Variants in VPS13B observed in about 807,000 individuals in gnomAD.
VPS13B encodes vacuolar protein sorting 13 homolog B.
A neutral mutation model predicts 426.4 loss-of-function variants in VPS13B; 285 were observed. The ratio of observed to expected loss-of-function variants is 0.67; its 90% confidence interval spans 0.61 to 0.74. The LOEUF (loss-of-function observed/expected upper bound fraction) is 0.74. Among genes scored for constraint, VPS13B ranks in the 30% least tolerant of loss-of-function variants. VPS13B has a pLI of 0.00. For missense variants in VPS13B, 4,537 were observed against 4,782.6 expected (o/e 0.95, Z 1.51); for synonymous variants, 1,676 against 1,676.4 (o/e 1.00, Z 0.01).
chr8:99,292,260 G>C (rs901433648), intron 19 of VPS13B, among the ~76,000 whole-genome samples: 1 of 152,116 alleles, frequency 6.6e-6, no homozygotes, highest in East Asian at 1.9e-4. Context: ...CACAACTGTT[G>C]ATGCATTTAG....
intron 43 of VPS13B, among the ~76,000 whole-genome samples, chr8:99,805,611 A>T (rs995241496): frequency 3.3e-5 from 5 of 152,206 alleles, no homozygotes; most frequent in Admixed American, 1.3e-4. Context: ...TGAGTTGAAA[A>T]CTGTATATGC....
intron 54 of VPS13B, among the ~76,000 whole-genome samples, chr8:99,844,627 C>T (rs1815884154): frequency 6.6e-6 from 1 of 152,176 alleles, no homozygotes; most frequent in East Asian, 1.9e-4. Context: ...GCCTCAGCCT[C>T]CCGAAGTGCT....
At chr8:99,782,178 C>T (rs1350350204) in intron 42 of VPS13B, among the ~76,000 whole-genome samples, 2 of 151,984 alleles carry the variant, frequency 1.3e-5, no homozygotes, top group African/African-American at 2.4e-5. Context: ...TAATTTTTCC[C>T]TCCCCTTCTT....
intron 19 of VPS13B, among the ~76,000 whole-genome samples, chr8:99,381,359 G>A (rs1221485340): frequency 6.6e-6 from 1 of 152,040 alleles, no homozygotes; most frequent in Non-Finnish European, 1.5e-5. Flanking sequence ...AGTGCTGTGG[G>A]GAACATACGT....
chr8:99,866,790 C>G (rs1817124828), intron 58 of VPS13B, among the ~76,000 whole-genome samples: 1 of 152,236 alleles, frequency 6.6e-6, no homozygotes, highest in Admixed American at 6.5e-5. Flanking sequence ...AGTGTGGCCA[C>G]TATGACTTCT....
At chr8:99,709,607 G>A (rs1324004039) in intron 36 of VPS13B, among the ~76,000 whole-genome samples, 1 of 152,130 alleles carries the variant, frequency 6.6e-6, no homozygotes, top group Non-Finnish European at 1.5e-5. Flanking sequence ...CCATTAGTTT[G>A]CTAAAACTTA....
At chr8:99,572,487 T>C (rs1825530229) in intron 31 of VPS13B, among the ~76,000 whole-genome samples, 1 of 147,824 alleles carries the variant, frequency 6.8e-6, no homozygotes, top group Non-Finnish European at 1.5e-5. Flanking sequence ...TGCTGTGTGA[T>C]GTTCCCCACC....
At chr8:99,601,315 C>CA (rs1284633639) in intron 33 of VPS13B, among the ~76,000 whole-genome samples, 1 of 152,158 alleles carries the variant, frequency 6.6e-6, no homozygotes, top group Non-Finnish European at 1.5e-5. Flanking sequence ...CATGTCCCTG[C>CA]AAAGGGCATG....
At chr8:99,851,016 A>G (rs932571820) in intron 55 of VPS13B, among the ~76,000 whole-genome samples, 2 of 152,220 alleles carry the variant, frequency 1.3e-5, no homozygotes, top group African/African-American at 4.8e-5. Context: ...TGCTAATTTG[A>G]ATTTATAATA....
chr8:99,089,401 C>T (rs753158058), intron 3 of VPS13B, among the ~76,000 whole-genome samples: 5 of 152,130 alleles, frequency 3.3e-5, no homozygotes, highest in Non-Finnish European at 5.9e-5. Context: ...AGCCTCAGGA[C>T]GTCCTGATGA....
At chr8:99,855,397 G>A (rs1210551376) in intron 56 of VPS13B, among the ~76,000 whole-genome samples, 1 of 152,020 alleles carries the variant, frequency 6.6e-6, no homozygotes, top group Non-Finnish European at 1.5e-5. Context: ...ATAAGATTGA[G>A]TGGTGGGAAC....
chr8:99,417,407 A>T (rs1009876389), intron 21 of VPS13B, among the ~76,000 whole-genome samples: 2 of 152,184 alleles, frequency 1.3e-5, no homozygotes, highest in African/African-American at 4.8e-5. Context: ...CTGAGTATAA[A>T]ATATTGGAAA....
At chr8:99,228,059 A>C (rs1036288079) in intron 17 of VPS13B, among the ~76,000 whole-genome samples, 1 of 152,084 alleles carries the variant, frequency 6.6e-6, no homozygotes, top group African/African-American at 2.4e-5. Context: ...CAAATATTTG[A>C]ATTTCTAAAT....
intron 17 of VPS13B, among the ~76,000 whole-genome samples, chr8:99,269,037 AG>A (rs1435138729): frequency 6.6e-6 from 1 of 152,088 alleles, no homozygotes; most frequent in East Asian, 1.9e-4. Flanking sequence ...CACCTTGTGA[AG>A]AAGGACGTGT....
At chr8:99,670,391 G>A (rs1830664395) in intron 35 of VPS13B, among the ~76,000 whole-genome samples, 1 of 151,862 alleles carries the variant, frequency 6.6e-6, no homozygotes, top group African/African-American at 2.4e-5. Context: ...TGTACAGTGT[G>A]GTGTTTTGAT....
chr8:99,803,271 G>A (rs1328447502), intron 43 of VPS13B, among the ~76,000 whole-genome samples: 11 of 152,146 alleles, frequency 7.2e-5, no homozygotes, highest in Non-Finnish European at 1.5e-5. Flanking sequence ...TCTATTGTAA[G>A]AGGTTGTTTC....
chr8:99,410,400 ATCT>A (rs895649870), intron 21 of VPS13B, among the ~76,000 whole-genome samples: 69 of 152,158 alleles, frequency 4.5e-4, no homozygotes, highest in African/African-American at 1.5e-3. Flanking sequence ...GCCTTTGTGC[ATCT>A]TCTTTCTGTC....
chr8:99,277,219 G>A (rs1818944447), intron 19 of VPS13B, among the ~76,000 whole-genome samples: 1 of 152,048 alleles, frequency 6.6e-6, no homozygotes, highest in Non-Finnish European at 1.5e-5. Flanking sequence ...AAATTTTAAT[G>A]TGATCATGTA....
chr8:99,852,544 G>A (rs1163613672), intron 55 of VPS13B, among the ~76,000 whole-genome samples: 1 of 152,156 alleles, frequency 6.6e-6, no homozygotes, highest in African/African-American at 2.4e-5. Flanking sequence ...CCAGGAGGAG[G>A]GAGTTGTCAG....
Sources: allele counts gnomAD v4.1 joint callset (sites outside exome capture counted in the v4.1 genomes callset), GRCh38; gene constraint gnomAD v4.1.1; transcripts MANE v1.5; gene names NCBI Gene and HGNC (gene_info 2026-07-23, HGNC 2026-07-21).